ERC2: variants seen among roughly 807,000 people sequenced by gnomAD.
ERC2 encodes the protein ELKS/RAB6-interacting/CAST family member 2.
A neutral mutation model predicts 114.8 loss-of-function variants in ERC2; 42 were observed. That is an observed-to-expected ratio of 0.37 (90% CI 0.29 to 0.47). The LOEUF (loss-of-function observed/expected upper bound fraction) is 0.47, where lower values mean the gene tolerates loss of function less well. Among genes scored for constraint, ERC2 ranks in the 20% least tolerant of loss-of-function variants. The pLI is 0.99. For missense variants in ERC2, 939 were observed against 1,150.7 expected (o/e 0.82, Z 2.66); for synonymous variants, 454 against 425.5 (o/e 1.07, Z -0.82).
At chr3:55,988,966 A>G (rs1013003795) in intron 11 of ERC2, among the ~76,000 whole-genome samples, 46 of 152,246 alleles carry the variant, frequency 3.0e-4, no homozygotes, top group African/African-American at 1.1e-3. Context: ...TGCTTCAGAA[A>G]GGCAGGCCAA....
At chr3:56,340,663 G>A (rs73832589) in intron 2 of ERC2, among the ~76,000 whole-genome samples, 2,974 of 151,740 alleles carry the variant, frequency 0.02, 104 homozygotes, top group African/African-American at 0.065. Context: ...ATGCATAATC[G>A]TCTGACAATT....
At chr3:55,761,675 T>C (rs1299371955) in intron 14 of ERC2, among the ~76,000 whole-genome samples, 2 of 151,942 alleles carry the variant, frequency 1.3e-5, no homozygotes, top group Non-Finnish European at 2.9e-5. Context: ...AGGGACCTGG[T>C]GAGGGGTGAT....
chr3:55,889,329 G>A (rs1186108936), intron 13 of ERC2, among the ~76,000 whole-genome samples: 1 of 152,170 alleles, frequency 6.6e-6, no homozygotes, highest in Non-Finnish European at 1.5e-5. Flanking sequence ...CAGGAAGCAA[G>A]GTTTGGCCAA....
chr3:55,745,903 T>C (rs2066271080), intron 14 of ERC2, among the ~76,000 whole-genome samples: 1 of 152,242 alleles, frequency 6.6e-6, no homozygotes, highest in African/African-American at 2.4e-5. Flanking sequence ...TGTGTATATA[T>C]GTAAGTCTCT....
chr3:55,700,243 G>C (rs913513422), intron 15 of ERC2, among the ~76,000 whole-genome samples: 4 of 152,156 alleles, frequency 2.6e-5, no homozygotes, highest in Non-Finnish European at 5.9e-5. Flanking sequence ...GCAAGAAATG[G>C]ACCAGTGATG....
chr3:55,817,937 C>T (rs778915857), intron 14 of ERC2, among the ~76,000 whole-genome samples: 1 of 152,230 alleles, frequency 6.6e-6, no homozygotes, highest in African/African-American at 2.4e-5. Context: ...AAGGAACAGC[C>T]TTCCAGTTCT....
At chr3:55,978,127 G>A (rs940547343) in intron 12 of ERC2, among the ~76,000 whole-genome samples, 3 of 152,104 alleles carry the variant, frequency 2.0e-5, no homozygotes, top group Admixed American at 2.0e-4. Flanking sequence ...GAATAAAGGA[G>A]ATAAATGTTT....
chr3:55,884,233 C>T (rs2063257924), intron 14 of ERC2, among the ~76,000 whole-genome samples: 1 of 152,112 alleles, frequency 6.6e-6, no homozygotes, highest in Admixed American at 6.5e-5. Flanking sequence ...ACCTATATGA[C>T]AGTATATTGA....
intron 12 of ERC2, among the ~76,000 whole-genome samples, chr3:55,953,725 A>C (rs979393369): frequency 6.6e-6 from 1 of 152,128 alleles, no homozygotes; most frequent in African/African-American, 2.4e-5. Flanking sequence ...GGAGTCATGA[A>C]ATTTAAAAAT....
intron 14 of ERC2, among the ~76,000 whole-genome samples, chr3:55,860,303 C>T (rs1389919057): frequency 1.3e-5 from 2 of 152,168 alleles, no homozygotes; most frequent in Non-Finnish European, 2.9e-5. Context: ...TAATTCATAG[C>T]GACAAGCAAT....
chr3:56,162,946 G>A (rs1355065594), intron 4 of ERC2, among the ~76,000 whole-genome samples: 1 of 151,626 alleles, frequency 6.6e-6, no homozygotes, highest in Non-Finnish European at 1.5e-5. Flanking sequence ...AGTTTTTCTA[G>A]GTGTGATGTT....
chr3:55,604,662 A>G (rs1346611847), intron 17 of ERC2, among the ~76,000 whole-genome samples: 1 of 152,194 alleles, frequency 6.6e-6, no homozygotes. Flanking sequence ...TACGTTTATT[A>G]CAAGTACAAA....
intron 6 of ERC2, among the ~76,000 whole-genome samples, chr3:56,136,842 C>A (rs550210460): frequency 6.6e-6 from 1 of 152,172 alleles, no homozygotes; most frequent in African/African-American, 2.4e-5. Flanking sequence ...ATTCCTCAGC[C>A]GTTTCCAGCT....
chr3:56,241,830 G>A (rs2051341929), intron 3 of ERC2, among the ~76,000 whole-genome samples: 1 of 152,132 alleles, frequency 6.6e-6, no homozygotes, highest in Non-Finnish European at 1.5e-5. Flanking sequence ...TAGAGCAGGG[G>A]TCAACTAATG....
chr3:55,884,977 G>A (rs963113880), intron 14 of ERC2, among the ~76,000 whole-genome samples: 2 of 152,092 alleles, frequency 1.3e-5, no homozygotes, highest in Admixed American at 1.3e-4. Flanking sequence ...AGAGAAAACT[G>A]AGGCAACCAG....
intron 12 of ERC2, among the ~76,000 whole-genome samples, chr3:55,953,665 G>C (rs759767257): frequency 1.2e-3 from 175 of 152,140 alleles, no homozygotes; most frequent in Non-Finnish European, 2.0e-3. Flanking sequence ...AAGCCCTAAG[G>C]CTACCTGAAA....
At chr3:55,836,009 T>C (rs1309268752) in intron 14 of ERC2, among the ~76,000 whole-genome samples, 1 of 151,120 alleles carries the variant, frequency 6.6e-6, no homozygotes. Context: ...CACAATTGTT[T>C]CAAAGAGAAT....
intron 3 of ERC2, among the ~76,000 whole-genome samples, chr3:56,213,832 CA>C (rs1323535304): frequency 6.6e-5 from 10 of 152,094 alleles, no homozygotes; most frequent in Admixed American, 5.9e-4. Context: ...AGAGGAACAG[CA>C]ACATCTGCTG....
At chr3:55,536,011 A>G (rs1238834685) in intron 17 of ERC2, among the ~76,000 whole-genome samples, 1 of 152,132 alleles carries the variant, frequency 6.6e-6, no homozygotes, top group Admixed American at 6.5e-5. Flanking sequence ...AAAACAAAAC[A>G]ACAACAACAA....
Sources: gnomAD v4.1 joint callset for allele counts (sites outside exome capture counted in the v4.1 genomes callset) on GRCh38, gnomAD v4.1.1 for gene constraint, MANE v1.5 for transcripts, NCBI Gene and HGNC (gene_info 2026-07-23, HGNC 2026-07-21) for gene names.